The following SLC27A6 variants were observed in gnomAD, a reference collection of about 807,000 sequenced individuals.
SLC27A6 encodes the protein solute carrier family 27 member 6.
In SLC27A6, 74 loss-of-function variants were observed where a neutral mutation model predicts 63.9. That is an observed-to-expected ratio of 1.16 (90% CI 0.96 to 1.40). SLC27A6 has a LOEUF of 1.40. Among genes scored for constraint, SLC27A6 ranks in the 40% most tolerant of loss-of-function variants. The pLI, the probability that SLC27A6 is intolerant of heterozygous loss-of-function variation, is 0.00. For synonymous variants in SLC27A6, 287 were observed against 260.8 expected (o/e 1.10, Z -0.97); for missense variants, 794 against 732.9 (o/e 1.08, Z -0.96).
intron 4 of SLC27A6, among the ~76,000 whole-genome samples, chr5:129,000,400 T>G (rs1439167839): frequency 6.6e-6 from 1 of 152,200 alleles, no homozygotes; most frequent in East Asian, 1.9e-4. Flanking sequence ...AATTTGTTAA[T>G]ATTTAAACAA....
intron 1 of SLC27A6, among the ~76,000 whole-genome samples, chr5:128,968,262 T>C (rs1423843989): frequency 1.3e-5 from 2 of 152,218 alleles, no homozygotes; most frequent in East Asian, 3.8e-4. Context: ...TTTAGAATCC[T>C]TTGGGTATAT....
At chr5:129,027,040 G>A in intron 6 of SLC27A6, 93 bp from the exon 7 acceptor site, 6 of 1,036,678 alleles carry the variant, frequency 5.8e-6, no homozygotes, top group Non-Finnish European at 5.9e-6. Flanking sequence ...AGCAGCATTG[G>A]TTGTGCTGGC....
At chr5:129,009,715 C>A (rs917596235) in intron 4 of SLC27A6, among the ~76,000 whole-genome samples, 3 of 151,986 alleles carry the variant, frequency 2.0e-5, no homozygotes, top group African/African-American at 7.3e-5. Context: ...CACTCTGTTG[C>A]CCCGGCTGGA....
chr5:129,006,898 A>G (rs1751558428), intron 4 of SLC27A6, among the ~76,000 whole-genome samples: 1 of 150,928 alleles, frequency 6.6e-6, no homozygotes, highest in Admixed American at 6.7e-5. Flanking sequence ...TTTTATTTGT[A>G]AATCTTATCT....
At chr5:129,029,479 G>A (rs1297177575) in intron 8 of SLC27A6, 98 bp from the exon 9 acceptor site, 19 of 754,538 alleles carry the variant, frequency 2.5e-5, no homozygotes, top group Non-Finnish European at 3.9e-5. Context: ...TACTGAAATA[G>A]ATTTAATGTC....
In SLC27A6 at chr5:128,988,752, G is replaced by T; in HGVS notation, c.838G>T (p.Glu280Ter). The T allele has an allele frequency of 6.2e-7, 1 of 1,610,446 alleles. No individual in the cohort carries two copies. The highest frequency in any genetic ancestry group is 8.5e-7 in the Non-Finnish European group (1 of 1,178,726). ...TATCCTGGGAATTTCTGGATGTGTT[G>T]AGTTGGGTAAGGCTTTATTTTCTTT... ...AAILGISGCVELGATCVLKKK... is the reference protein window; with the variant it reads ...AAILGISGCV Residue 280 changes from glutamate (E) to a stop codon, truncating the protein, a stop_gained, in exon 3 of 10, where the codon GAG (glutamate) becomes TAG (stop). Transcript: ENST00000262462. LOFTEE classifies it high-confidence loss of function.
chr5:129,002,870 G>T (rs561778070), intron 4 of SLC27A6, among the ~76,000 whole-genome samples: 1 of 152,280 alleles, frequency 6.6e-6, no homozygotes, highest in African/African-American at 2.4e-5. Context: ...TTCTCTCTTT[G>T]TTTCGCCTGA....
rs1301149195 is a variant in SLC27A6, at chr5:128,988,546, T to C, written c.686-54T>C. The C allele has an allele frequency of 2.0e-5, 27 of 1,384,034 alleles. No individual in the cohort carries two copies. The South Asian group carries it at 2.7e-4, about 14-fold the overall frequency. The allele number at this position is 1,384,034 out of a possible 1,614,324, so 85.7% of individuals were successfully genotyped here. A position where few individuals can be genotyped will look rare whatever the true frequency, so the allele number is the denominator to read the frequency against. The stretch of plus-strand genomic sequence containing the variant: ...CTAGTTATATGAATATGTATGCATA[T>C]GTATATGTATGTATGTGTGTATATA... On this transcript the variant is annotated intron_variant, in intron 2 of 9. Transcript: ENST00000262462.
intron 4 of SLC27A6, 120 bp from the exon 5 acceptor site, chr5:129,015,764 TA>T: frequency 1.5e-6 from 1 of 671,714 alleles, no homozygotes; most frequent in Non-Finnish European, 2.5e-6. Flanking sequence ...ACACATATTT[TA>T]ACTTCCCTTC....
chr5:128,970,885 G>T (rs997616948), intron 1 of SLC27A6, among the ~76,000 whole-genome samples: 5 of 151,748 alleles, frequency 3.3e-5, no homozygotes, highest in African/African-American at 7.3e-5. Context: ...GCTTTCTCTT[G>T]TGGGCATTTA....
At chr5:129,017,291 AC>A (rs2150150618) in intron 5 of SLC27A6, among the ~76,000 whole-genome samples, 1 of 152,284 alleles carries the variant, frequency 6.6e-6, no homozygotes, top group East Asian at 1.9e-4. Context: ...TTAAAAGACA[AC>A]TAGATAACCT....
chr5:129,013,622 CAG>C (rs1477579333), intron 4 of SLC27A6, among the ~76,000 whole-genome samples: 13 of 152,004 alleles, frequency 8.6e-5, no homozygotes, highest in African/African-American at 3.1e-4. Flanking sequence ...GCAATTTTGC[CAG>C]AAAATGTCCA....
intron 1 of SLC27A6, among the ~76,000 whole-genome samples, chr5:128,982,941 A>G (rs1750644048): frequency 6.6e-6 from 1 of 152,160 alleles, no homozygotes; most frequent in Non-Finnish European, 1.5e-5. Flanking sequence ...CTATTTTCAT[A>G]CAGGTTTTAT....
In SLC27A6 at chr5:128,988,710, T is replaced by C; in HGVS notation, c.796T>C (p.Tyr266His). ...HDIVYITLPLYHSSAAILGIS... is the reference protein window; with the variant it reads ...HDIVYITLPLHHSSAAILGIS... ...CATTGTTTATATAACCCTTCCTCTG[T>C]ATCATAGTTCAGCAGCTATCCTGGG... Residue 266 changes from tyrosine to histidine, a missense_variant, in exon 3 of 10, where the codon TAT becomes CAT. Physicochemically the swap from Tyr to His is moderately conservative, Grantham distance 83. Transcript: ENST00000262462. The C allele has an allele frequency of 1.2e-6, 2 of 1,613,772 alleles. No homozygotes were observed. Among genetic ancestry groups the C allele is most frequent in the Non-Finnish European group, 8.5e-7 (1 of 1,179,752 alleles).
intron 4 of SLC27A6, among the ~76,000 whole-genome samples, chr5:129,015,176 A>G (rs1264332669): frequency 6.6e-6 from 1 of 152,198 alleles, no homozygotes; most frequent in Admixed American, 6.5e-5. Flanking sequence ...CTCTAATTTT[A>G]GGTGAGTGTA....
At chr5:128,986,487 A>G (rs1750791293) in intron 2 of SLC27A6, among the ~76,000 whole-genome samples, 1 of 152,200 alleles carries the variant, frequency 6.6e-6, no homozygotes, top group South Asian at 2.1e-4. Context: ...ATAGGTTGTG[A>G]GCAACTATTG....
At chr5:129,025,335 A>G (rs886906071) in intron 6 of SLC27A6, among the ~76,000 whole-genome samples, 9 of 152,280 alleles carry the variant, frequency 5.9e-5, no homozygotes, top group African/African-American at 2.2e-4. Flanking sequence ...AAAGAAAAAA[A>G]AACGTAAGTT....
intron 1 of SLC27A6, 27 bp from the exon 2 acceptor site, chr5:128,985,106 A>T: frequency 6.4e-7 from 1 of 1,567,696 alleles, no homozygotes; most frequent in Non-Finnish European, 8.8e-7. Flanking sequence ...AGGTTTGCTT[A>T]ACTCTTCCCA....
intron 1 of SLC27A6, among the ~76,000 whole-genome samples, chr5:128,976,898 A>C (rs1026466657): frequency 2.0e-5 from 3 of 152,218 alleles, no homozygotes; most frequent in African/African-American, 7.2e-5. Flanking sequence ...ATAATGATTT[A>C]ATATGTGGTG....
Sources: gnomAD v4.1 joint callset for allele counts (sites outside exome capture counted in the v4.1 genomes callset) on GRCh38, gnomAD v4.1.1 for gene constraint, MANE v1.5 for transcripts, NCBI Gene and HGNC (gene_info 2026-07-23, HGNC 2026-07-21) for gene names.